Variants in HMGCLL1 observed in about 807,000 individuals in gnomAD.
The protein encoded by HMGCLL1 is 3-hydroxymethyl-3-methylglutaryl-CoA lyase, cytoplasmic.
Under a neutral mutation model 39.1 loss-of-function variants are expected in HMGCLL1, and 36 were observed. The observed-to-expected ratio is 0.92, with a 90% CI of 0.71 to 1.22. The LOEUF is 1.22. Ranked by LOEUF, HMGCLL1 falls within the 50% of genes most tolerant of loss-of-function variation. HMGCLL1 has a pLI of 0.00. For synonymous variants in HMGCLL1, 149 were observed against 144.0 expected, an observed-to-expected ratio of 1.03 and a Z score of -0.25; for missense variants, 451 against 416.5, an observed-to-expected ratio of 1.08 and a Z score of -0.72.
chr6:55,494,475 T>C lies in HMGCLL1; in HGVS notation c.795+944A>G, dbSNP rs553510085. On this transcript the variant is annotated intron_variant, in intron 7 of 8. Coordinates refer to ENST00000274901, the MANE Select transcript of HMGCLL1 (RefSeq NM_001042406.2). ...TGCCCCAAAGACCATGGAATAACAT[T>C]TTCTTTTTTCTGTGATTCAATAGAA... Among the ~76,000 whole-genome samples, 5 of 152,250 alleles carry C rather than the reference T, an allele frequency of 3.3e-5. No homozygotes were observed. In the South Asian group the frequency reaches 1.0e-3, roughly 32 times the overall value.
intron 5 of HMGCLL1, among the ~76,000 whole-genome samples, chr6:55,510,708 G>A (rs1166565883): frequency 2.0e-5 from 3 of 149,996 alleles, no homozygotes; most frequent in South Asian, 2.1e-4. Flanking sequence ...GAGTTAATGG[G>A]TGCAGCACAC....
At chr6:55,486,306 A>G (rs1334490914) in intron 7 of HMGCLL1, among the ~76,000 whole-genome samples, 1 of 152,050 alleles carries the variant, frequency 6.6e-6, no homozygotes, top group Non-Finnish European at 1.5e-5. Flanking sequence ...TGCTTTGGTC[A>G]ACAATAAAGC....
At chr6:55,494,629 G>C (rs138126771) in intron 7 of HMGCLL1, among the ~76,000 whole-genome samples, 9 of 152,164 alleles carry the variant, frequency 5.9e-5, no homozygotes, top group African/African-American at 1.9e-4. Flanking sequence ...TATACTTTAG[G>C]ACTGTGATAC....
the HMGCLL1 span, among the ~76,000 whole-genome samples, chr6:55,672,599 A>G: frequency 6.6e-6 from 1 of 151,918 alleles, no homozygotes; most frequent in Non-Finnish European, 1.5e-5. Context: ...GAGCAACAAA[A>G]GCAAATTGGA....
the HMGCLL1 span, among the ~76,000 whole-genome samples, chr6:55,664,462 A>G: frequency 4.0e-5 from 6 of 151,832 alleles, no homozygotes; most frequent in African/African-American, 1.4e-4. Context: ...TACCCTGTAC[A>G]ATTTTCATAT....
chr6:55,619,442 A>G, the HMGCLL1 span, among the ~76,000 whole-genome samples: 24 of 152,096 alleles, frequency 1.6e-4, no homozygotes, highest in Non-Finnish European at 2.6e-4. Flanking sequence ...AAATAACAAT[A>G]GTGGCACATG....
chr6:55,481,825 T>C (rs1052697766), intron 7 of HMGCLL1, among the ~76,000 whole-genome samples: 1 of 148,718 alleles, frequency 6.7e-6, no homozygotes, highest in Non-Finnish European at 1.5e-5. Context: ...TACCTACCTA[T>C]CTATTTATCT....
chr6:55,538,487 T>C (rs1474432221), intron 3 of HMGCLL1, among the ~76,000 whole-genome samples: 1 of 152,154 alleles, frequency 6.6e-6, no homozygotes, highest in African/African-American at 2.4e-5. Flanking sequence ...TAATGGTGGC[T>C]AGTGAAATAA....
At chr6:55,503,917 C>T (rs1767023664) in intron 5 of HMGCLL1, among the ~76,000 whole-genome samples, 1 of 151,688 alleles carries the variant, frequency 6.6e-6, no homozygotes, top group Admixed American at 6.6e-5. Context: ...TTCCCAAGAA[C>T]CCTCTCCTAA....
the HMGCLL1 span, among the ~76,000 whole-genome samples, chr6:55,631,729 C>A: frequency 6.6e-6 from 1 of 152,082 alleles, no homozygotes; most frequent in Non-Finnish European, 1.5e-5. Flanking sequence ...GGCACCTTCT[C>A]CACAATTTAC....
intron 7 of HMGCLL1, among the ~76,000 whole-genome samples, chr6:55,446,761 TA>T (rs945945174): frequency 6.6e-6 from 1 of 151,834 alleles, no homozygotes; most frequent in Admixed American, 6.6e-5. Flanking sequence ...ATAAAGGGAG[TA>T]AAAAATCATC....
intron 6 of HMGCLL1, among the ~76,000 whole-genome samples, chr6:55,496,152 AT>A (rs907450471): frequency 5.9e-5 from 9 of 151,932 alleles, no homozygotes; most frequent in East Asian, 1.9e-4. Flanking sequence ...ACTATATTAA[AT>A]TTTTTTTCGG....
At chr6:55,662,791 G>T in the HMGCLL1 span, among the ~76,000 whole-genome samples, 6 of 151,632 alleles carry the variant, frequency 4.0e-5, no homozygotes, top group Non-Finnish European at 7.4e-5. Context: ...GGTAGAATTT[G>T]GCTGTGAATC....
chr6:55,629,984 T>TC, the HMGCLL1 span, among the ~76,000 whole-genome samples: 1 of 151,802 alleles, frequency 6.6e-6, no homozygotes, highest in Admixed American at 6.6e-5. Context: ...TGGGTCAGAG[T>TC]CCCCACACAG....
chr6:55,601,055 T>G, the HMGCLL1 span, among the ~76,000 whole-genome samples: 1 of 152,338 alleles, frequency 6.6e-6, no homozygotes, highest in Admixed American at 6.5e-5. Context: ...GTAATATATC[T>G]TATTAGAAAT....
At chr6:55,539,708 GA>G (rs1769234198) in intron 3 of HMGCLL1, among the ~76,000 whole-genome samples, 2 of 151,362 alleles carry the variant, frequency 1.3e-5, no homozygotes. Context: ...TGGAAGAGTT[GA>G]GGGGGGGAGG....
intron 7 of HMGCLL1, among the ~76,000 whole-genome samples, chr6:55,483,648 A>G (rs975751491): frequency 1.3e-5 from 2 of 152,206 alleles, no homozygotes; most frequent in African/African-American, 4.8e-5. Context: ...AAAGTGTGGC[A>G]TTTGCACGAA....
the HMGCLL1 span, among the ~76,000 whole-genome samples, chr6:55,658,870 T>C: frequency 2.0e-4 from 31 of 151,878 alleles, no homozygotes; most frequent in Non-Finnish European, 1.8e-4. Context: ...AGCAAGCATA[T>C]TCTAGGATAG....
chr6:55,579,450 A>C (rs1398943567), upstream of HMGCLL1, among the ~76,000 whole-genome samples: 1 of 152,198 alleles, frequency 6.6e-6, no homozygotes, highest in Non-Finnish European at 1.5e-5. Context: ...GGGGTCTAAA[A>C]TAAAAGGAAG....
Sources: allele counts gnomAD v4.1 joint callset (sites outside exome capture counted in the v4.1 genomes callset), GRCh38; gene constraint gnomAD v4.1.1; transcripts MANE v1.5; gene names NCBI Gene and HGNC (gene_info 2026-07-23, HGNC 2026-07-21).